The following PRIM2 variants were observed in gnomAD, a reference collection of about 807,000 sequenced individuals.
The protein encoded by PRIM2 is DNA primase subunit 2.
Under a neutral mutation model 67.3 loss-of-function variants are expected in PRIM2, and 39 were observed. The observed-to-expected ratio is 0.58, with a 90% CI of 0.45 to 0.76. The LOEUF is 0.76. Ranked by LOEUF, PRIM2 falls within the 30% of genes least tolerant of loss-of-function variation. The pLI is 0.00. For missense variants in PRIM2, 398 were observed against 598.7 expected (o/e 0.66, Z 3.50); for synonymous variants, 143 against 198.7 (o/e 0.72, Z 2.36).
In PRIM2 at chr6:57,601,120, C is replaced by T. The variant is rs1241278395; in HGVS notation, c.1048C>T (p.Arg350Cys). ...TGATAAAGGTTACTCTTACAACATC[C>T]GTCACAGCTTTGGAAAGGAAGGCAA... ...KFDKGYSYNIRHSFGKEGKRT... is the reference protein window; with the variant it reads ...KFDKGYSYNICHSFGKEGKRT... The change falls in exon 11 of 14, where the codon CGT (arginine) becomes TGT (cysteine). Residue 350 changes from arginine (R) to cysteine (C), a missense_variant. By Grantham distance (180) the Arg-to-Cys change is radical. This residue lies in a region of PRIM2 where 229 missense variants were observed against 383.6 expected (regional missense o/e 0.60). Transcript: ENST00000615550. The T allele has an allele frequency of 1.3e-5, 21 of 1,611,604 alleles. No homozygotes were observed. In the Admixed American group the frequency reaches 1.8e-4, roughly 14 times the overall value.
chr6:57,503,569 TG>T (rs2127458454), intron 7 of PRIM2, among the ~76,000 whole-genome samples: 3 of 152,138 alleles, frequency 2.0e-5, no homozygotes, highest in East Asian at 3.9e-4. Context: ...GACAACATGG[TG>T]AAACCCCATC....
chr6:57,237,699 C>G, the PRIM2 span, among the ~76,000 whole-genome samples: 2 of 152,130 alleles, frequency 1.3e-5, no homozygotes, highest in Non-Finnish European at 2.9e-5. Flanking sequence ...TTGTTTTTCT[C>G]AGGTTTGTCA....
At chr6:57,270,602 A>G in the PRIM2 span, among the ~76,000 whole-genome samples, 1 of 152,152 alleles carries the variant, frequency 6.6e-6, no homozygotes, top group Non-Finnish European at 1.5e-5. Context: ...CTCCTTTCCT[A>G]ATTGAATGCC....
At chr6:57,241,972 A>T in the PRIM2 span, among the ~76,000 whole-genome samples, 1 of 152,148 alleles carries the variant, frequency 6.6e-6, no homozygotes, top group Admixed American at 6.5e-5. Flanking sequence ...GTGCCCGGCC[A>T]GAACCATTTA....
the PRIM2 span, among the ~76,000 whole-genome samples, chr6:57,268,290 A>G: frequency 6.6e-6 from 1 of 152,206 alleles, no homozygotes; most frequent in African/African-American, 2.4e-5. Context: ...ACTTTACTGT[A>G]TAACATTTTG....
At chr6:57,316,201 C>A (rs961657123), upstream of PRIM2, among the ~76,000 whole-genome samples, 4 of 152,066 alleles carry the variant, frequency 2.6e-5, no homozygotes, top group African/African-American at 9.7e-5. Context: ...CCGAGGTGGG[C>A]GGATCACGAG....
chr6:57,596,821 T>C, intron 10 of PRIM2, among the ~76,000 whole-genome samples: 1 of 152,126 alleles, frequency 6.6e-6, no homozygotes. Flanking sequence ...TAGGGCATCA[T>C]TTAAACTCTT....
intron 5 of PRIM2, among the ~76,000 whole-genome samples, chr6:57,364,196 T>C (rs1251791218): frequency 6.6e-6 from 1 of 152,178 alleles, no homozygotes; most frequent in Non-Finnish European, 1.5e-5. Context: ...CTGATAATTC[T>C]AAGAGTTAAA....
At chr6:57,326,337 CA>C in intron 5 of PRIM2, 1 of 230,520 alleles carries the variant, frequency 4.3e-6, no homozygotes, top group Non-Finnish European at 8.3e-6. Context: ...TTTTGTCGGC[CA>C]AAATAAAGCT....
In PRIM2 at chr6:57,395,354, G is replaced by A. The variant is rs191705925; in HGVS notation, c.693+13186G>A. 6.2e-4 allele frequency among the ~76,000 whole-genome samples: 94 copies of A among 152,214 alleles called. 3 individuals carry two copies. Among genetic ancestry groups the A allele is most frequent in the South Asian group, 4.3e-3 (21 of 4,834 alleles). On this transcript the variant is annotated intron_variant, in intron 7 of 13. Transcript: ENST00000615550. ...CAATCTTGCTCCTTGTTATTGGTCT[G>A]TTCAGGGTATCTAATTCTTCCTGAT...
At chr6:57,377,349 T>C (rs1363308634) in intron 5 of PRIM2, among the ~76,000 whole-genome samples, 5 of 152,176 alleles carry the variant, frequency 3.3e-5, no homozygotes, top group Non-Finnish European at 7.3e-5. Flanking sequence ...TGTTCTTACC[T>C]ATATTGTTTT....
chr6:57,470,460 C>T (rs1314893802), intron 7 of PRIM2, among the ~76,000 whole-genome samples: 6 of 110,658 alleles, frequency 5.4e-5, no homozygotes, highest in Non-Finnish European at 7.1e-5. Flanking sequence ...CCCCTCTCCC[C>T]GTCTCCCTCT....
intron 10 of PRIM2, among the ~76,000 whole-genome samples, chr6:57,562,216 G>T (rs1356360647): frequency 6.6e-6 from 1 of 152,070 alleles, no homozygotes; most frequent in African/African-American, 2.4e-5. Flanking sequence ...TAATGAAAAA[G>T]TTTGAAAAAT....
upstream of PRIM2, chr6:57,314,869 G>A (rs550476928): frequency 4.6e-5 from 7 of 152,260 alleles, no homozygotes; most frequent in Admixed American, 4.6e-4. Context: ...CGTGATATGC[G>A]GATTTATATT....
chr6:57,246,094 T>C, the PRIM2 span, among the ~76,000 whole-genome samples: 7 of 152,210 alleles, frequency 4.6e-5, no homozygotes, highest in African/African-American at 1.7e-4. Flanking sequence ...AAAACTCCAG[T>C]TCCTTATAAA....
intron 10 of PRIM2, among the ~76,000 whole-genome samples, chr6:57,566,322 C>T (rs1775739547): frequency 3.0e-4 from 45 of 151,904 alleles, no homozygotes; most frequent in Non-Finnish European, 7.4e-5. Context: ...TAGTTTGAAC[C>T]CTCTGTTTTG....
chr6:57,344,483 T>C (rs1401037176), intron 5 of PRIM2, among the ~76,000 whole-genome samples: 1 of 151,672 alleles, frequency 6.6e-6, no homozygotes, highest in African/African-American at 2.4e-5. Context: ...GAAAGAGCAC[T>C]GTGTATTTCT....
intron 5 of PRIM2, among the ~76,000 whole-genome samples, chr6:57,364,704 A>T (rs986786513): frequency 7.2e-5 from 11 of 152,092 alleles, no homozygotes; most frequent in Admixed American, 7.2e-4. Flanking sequence ...GCAGGCCCTA[A>T]TCCTTGTGTT....
chr6:57,593,336 T>C (rs1296310673), intron 10 of PRIM2, among the ~76,000 whole-genome samples: 3 of 151,996 alleles, frequency 2.0e-5, no homozygotes, highest in Non-Finnish European at 1.5e-5. Flanking sequence ...GAGTTTCGCT[T>C]TTGTCACCCA....
Sources: gnomAD v4.1 joint callset for allele counts (sites outside exome capture counted in the v4.1 genomes callset) on GRCh38, gnomAD v4.1.1 for gene constraint, gnomAD v4.1.1 regional missense constraint, MANE v1.5 for transcripts, NCBI Gene and HGNC (gene_info 2026-07-23, HGNC 2026-07-21) for gene names.